The following TMEM41B variants were observed in gnomAD, a reference collection of about 807,000 sequenced individuals.
TMEM41B encodes transmembrane protein 41B, also known as protein stasimon.
In TMEM41B, 18 loss-of-function variants were observed where a neutral mutation model predicts 31.9. The ratio of observed to expected loss-of-function variants is 0.56; its 90% CI spans 0.39 to 0.84. The LOEUF (loss-of-function observed/expected upper bound fraction) is 0.84, where lower values mean the gene tolerates loss of function less well. Among genes scored for constraint, TMEM41B ranks in the 40% least tolerant of loss-of-function variants. TMEM41B has a pLI of 0.00. For missense variants in TMEM41B, 322 were observed against 348.0 expected (o/e 0.93, Z 0.59); for synonymous variants, 144 against 124.3 (o/e 1.16, Z -1.05).
At chr11:9,297,185 C>G (rs750322895) in intron 2 of TMEM41B, among the ~76,000 whole-genome samples, 1 of 152,122 alleles carries the variant, frequency 6.6e-6, no homozygotes, top group Admixed American at 6.5e-5. Context: ...CCCAGGTTCA[C>G]GCCATTCTCC....
intron 1 of TMEM41B, among the ~76,000 whole-genome samples, chr11:9,300,877 CAAA>C (rs1020580903): frequency 1.5e-5 from 2 of 131,680 alleles, no homozygotes; most frequent in African/African-American, 5.6e-5. Context: ...GATTCCGTCT[CAAA>C]AAAAAAAAAA....
At chr11:9,301,456 G>A (rs1853257393) in intron 1 of TMEM41B, among the ~76,000 whole-genome samples, 1 of 152,162 alleles carries the variant, frequency 6.6e-6, no homozygotes, top group South Asian at 2.1e-4. Context: ...TTTCAAACAC[G>A]CGTTTATGAA....
At chr11:9,313,858 G>T (rs182308542) in intron 1 of TMEM41B, among the ~76,000 whole-genome samples, 1 of 152,194 alleles carries the variant, frequency 6.6e-6, no homozygotes, top group African/African-American at 2.4e-5. Flanking sequence ...GTAGGGCAGG[G>T]ACTCAAGCCC....
chr11:9,289,222 C>T (rs1032089438), intron 3 of TMEM41B, among the ~76,000 whole-genome samples: 1 of 152,142 alleles, frequency 6.6e-6, no homozygotes, highest in African/African-American at 2.4e-5. Flanking sequence ...GTCTTGAACT[C>T]CTGGGCTCAA....
chr11:9,293,765 T>A (rs773744992), intron 3 of TMEM41B, among the ~76,000 whole-genome samples: 19 of 151,880 alleles, frequency 1.3e-4, no homozygotes, highest in Non-Finnish European at 2.1e-4. Flanking sequence ...GTATTTTTAG[T>A]AAAGATGGCG....
At chr11:9,289,401 C>CA (rs1165488865) in intron 3 of TMEM41B, among the ~76,000 whole-genome samples, 1 of 151,816 alleles carries the variant, frequency 6.6e-6, no homozygotes, top group African/African-American at 2.4e-5. Context: ...ACTCACAAGT[C>CA]AAAGTGAATT....
chr11:9,309,129 C>A (rs1176652055), intron 1 of TMEM41B, among the ~76,000 whole-genome samples: 2 of 152,108 alleles, frequency 1.3e-5, no homozygotes, highest in African/African-American at 4.8e-5. Flanking sequence ...TGCCTGTAAT[C>A]CCGGCTACTG....
rs536650325 is a variant in TMEM41B, at chr11:9,291,024, G to A, written c.369-2489C>T. ...CCAGGTACTCAGGAGGCTGGGAAAC[G>A]AGAATCTCTTGAACCCAGAGGGCAG... On this transcript the variant is annotated intron_variant, in intron 3 of 6. Coordinates refer to ENST00000528080, the MANE Select transcript of TMEM41B (RefSeq NM_015012.4). Among the ~76,000 whole-genome samples, 5 of 152,210 alleles carry A rather than the reference G, an allele frequency of 3.3e-5. No individual in the cohort carries two copies. In the South Asian group the frequency reaches 6.2e-4, roughly 19 times the overall value.
intron 5 of TMEM41B, 84 bp downstream of exon 5, chr11:9,287,618 A>C (rs1365740796): frequency 1.2e-6 from 1 of 846,524 alleles, no homozygotes; most frequent in African/African-American, 1.7e-5. Context: ...GGGTTAATAC[A>C]TGTAGTTAAT....
chr11:9,295,145 T>C (rs1853052686), intron 3 of TMEM41B, 114 bp downstream of exon 3: 1 of 1,146,936 alleles, frequency 8.7e-7, no homozygotes, highest in Non-Finnish European at 1.1e-6. Context: ...TTTAATATTG[T>C]CACACTGCAA....
At chr11:9,289,022 G>C (rs1852897123) in intron 3 of TMEM41B, among the ~76,000 whole-genome samples, 1 of 152,188 alleles carries the variant, frequency 6.6e-6, no homozygotes, top group Non-Finnish European at 1.5e-5. Context: ...AATCTTATTT[G>C]AGAAGGGGTC....
Position 9,314,360 on chromosome 11 carries a change from G to C in TMEM41B, c.82C>G (p.Arg28Gly), listed in dbSNP as rs1157742916. ...TPVGDGAAGT[R>G]GLAAPGSRDH... ...CTGCTGCCAGGCGCCGCGAGACCCC[G>C]CGTCCCCGCTGCCCCGTCCCCCACG... The change falls in exon 1 of 7, where the codon CGG (arginine) becomes GGG (glycine). Residue 28 changes from arginine (R) to glycine (G), a missense_variant. By Grantham distance (125) the Arg-to-Gly change is moderately radical (BLOSUM62 -2). This residue lies in a region of TMEM41B where 183 missense variants were observed against 175.3 expected (regional missense o/e 1.04). Coordinates refer to ENST00000528080, the MANE Select transcript of TMEM41B (RefSeq NM_015012.4). The C allele has an allele frequency of 6.3e-7, 1 of 1,589,648 alleles. No individual in the cohort carries two copies. The highest frequency in any genetic ancestry group is 8.5e-7 in the Non-Finnish European group (1 of 1,169,838).
chr11:9,284,388 G>C (rs1852789623), intron 6 of TMEM41B, among the ~76,000 whole-genome samples: 1 of 147,580 alleles, frequency 6.8e-6, no homozygotes, highest in East Asian at 2.1e-4. Context: ...CCAGGCTCAG[G>C]CAATTCACAC....
chr11:9,299,118 T>A (rs1303411437), intron 2 of TMEM41B, among the ~76,000 whole-genome samples: 1 of 151,022 alleles, frequency 6.6e-6, no homozygotes, highest in Non-Finnish European at 1.5e-5. Flanking sequence ...CCGTCTCTAC[T>A]AAAAATACAA....
intron 6 of TMEM41B, 129 bp downstream of exon 6, chr11:9,286,326 G>T: frequency 1.1e-6 from 1 of 933,418 alleles, no homozygotes; most frequent in Non-Finnish European, 1.6e-6. Flanking sequence ...ATACAGCCAG[G>T]CTTTGTGCCC....
At position 9,312,762 on chromosome 11, in the gene TMEM41B, G is replaced by A. The variant is rs189851714; in HGVS notation, c.121+1559C>T. ...CTACTAAAAATACAAAAATTAGCCC[G>A]GCGTGGTGGTGGGCGCCTGTAGTCC... On this transcript the variant is annotated intron_variant, in intron 1 of 6. Transcript: ENST00000528080. Among the ~76,000 whole-genome samples, 1,327 of 152,034 alleles carry A rather than the reference G, an allele frequency of 8.7e-3. 23 individuals are homozygous for A. Among genetic ancestry groups the A allele is most frequent in the African/African-American group, 0.03 (1,240 of 41,490 alleles).
chr11:9,281,905 TA>T lies in TMEM41B; in HGVS notation c.*1518del, dbSNP rs1852726119. The T allele has an allele frequency of 6.6e-6, 1 of 152,194 alleles. No individual in the cohort carries two copies. Among genetic ancestry groups the T allele is most frequent in the Non-Finnish European group, 1.5e-5 (1 of 68,028 alleles). The allele number at this position is 152,194 out of a possible 1,614,324, so 9.4% of individuals were successfully genotyped here. ...TAAATATATTCCTTAATGACCAGAT[TA>T]ATAAATGAGGTAAAATTTAGTCATT... is the stretch of plus-strand genomic sequence containing the variant. On this transcript the variant is annotated 3_prime_UTR_variant, in exon 7 of 7. Coordinates refer to ENST00000528080, the MANE Select transcript of TMEM41B (RefSeq NM_015012.4).
At chr11:9,299,345 C>CACACACACACACACACGT (rs201083248) in intron 2 of TMEM41B, among the ~76,000 whole-genome samples, 1 of 144,100 alleles carries the variant, frequency 6.9e-6, no homozygotes, top group Non-Finnish European at 1.5e-5. Flanking sequence ...CACACACACA[C>CACACACACACACACACGT]GTGTGTGTAT....
intron 6 of TMEM41B, among the ~76,000 whole-genome samples, chr11:9,285,637 T>C (rs988448252): frequency 6.6e-6 from 1 of 152,164 alleles, no homozygotes; most frequent in African/African-American, 2.4e-5. Flanking sequence ...TATTATTTCC[T>C]TAAAAGCAAG....
Sources: allele counts gnomAD v4.1 joint callset (sites outside exome capture counted in the v4.1 genomes callset), GRCh38; gene constraint gnomAD v4.1.1; regional missense constraint gnomAD v4.1.1; transcripts MANE v1.5; gene names NCBI Gene and HGNC (gene_info 2026-07-23, HGNC 2026-07-21).